Variants in ZNF804B observed in about 807,000 individuals in gnomAD.
ZNF804B encodes the protein zinc finger 804B.
ZNF804B carries 80 observed loss-of-function variants against 101.4 expected under a neutral mutation model. The observed-to-expected ratio is 0.79, with a 90% CI of 0.66 to 0.95. The LOEUF (loss-of-function observed/expected upper bound fraction) is 0.95. Among genes scored for constraint, ZNF804B ranks in the 40% least tolerant of loss-of-function variants. The probability of loss-of-function intolerance (pLI) is 0.00; values close to 1 mark genes in which losing one functional copy is unlikely to be tolerated. For synonymous variants in ZNF804B, 622 were observed against 558.8 expected (o/e 1.11, Z -1.59); for missense variants, 1,673 against 1,561.9 (o/e 1.07, Z -1.20).
chr7:88,873,189 G>A (rs1791866605), intron 1 of ZNF804B, among the ~76,000 whole-genome samples: 1 of 152,146 alleles, frequency 6.6e-6, no homozygotes, highest in Non-Finnish European at 1.5e-5. Flanking sequence ...GTATCTCATT[G>A]TGGTTTTGAT....
At position 89,011,081 on chromosome 7, in the gene ZNF804B, C is replaced by T. The variant is rs541212145; in HGVS notation, c.109-207074C>T. ...CCATGGCTGGGGAGGCCTCAGGAAA[C>T]TTACAATCATGGCAGAAGGCACCTC... On this transcript the variant is annotated intron_variant, in intron 1 of 3. Coordinates refer to ENST00000333190, the MANE Select transcript of ZNF804B (RefSeq NM_181646.5). Among the ~76,000 whole-genome samples the T allele has an allele frequency of 3.1e-3, 470 of 152,242 alleles. 8 individuals are homozygous for T. Among genetic ancestry groups the T allele is most frequent in the African/African-American group, 0.011 (449 of 41,546 alleles).
intron 1 of ZNF804B, among the ~76,000 whole-genome samples, chr7:89,105,175 T>C (rs915988653): frequency 6.6e-6 from 1 of 152,088 alleles, no homozygotes; most frequent in Admixed American, 6.6e-5. Context: ...CCTTCAGGGG[T>C]TGTCTCTGAG....
chr7:89,044,353 C>A (rs536650631), intron 1 of ZNF804B, among the ~76,000 whole-genome samples: 1 of 152,256 alleles, frequency 6.6e-6, no homozygotes, highest in East Asian at 1.9e-4. Context: ...ATTACCCAGT[C>A]TTGGACATTT....
chr7:89,123,163 T>TA (rs1790429316), intron 1 of ZNF804B, among the ~76,000 whole-genome samples: 1 of 151,984 alleles, frequency 6.6e-6, no homozygotes, highest in African/African-American at 2.4e-5. Context: ...TCAGCTTTTT[T>TA]TTTTTTTTAA....
intron 1 of ZNF804B, among the ~76,000 whole-genome samples, chr7:88,768,800 T>C (rs2115625760): frequency 6.6e-6 from 1 of 152,354 alleles, no homozygotes; most frequent in East Asian, 1.9e-4. Flanking sequence ...TGTATTTCTC[T>C]CTTTGGGTAT....
At chr7:89,005,160 C>T (rs546586031) in intron 1 of ZNF804B, among the ~76,000 whole-genome samples, 1 of 151,942 alleles carries the variant, frequency 6.6e-6, no homozygotes, top group Non-Finnish European at 1.5e-5. Context: ...CAAAGCTAAA[C>T]ATTTATTCTT....
intron 1 of ZNF804B, among the ~76,000 whole-genome samples, chr7:89,135,207 C>A (rs1790613063): frequency 6.6e-6 from 1 of 152,090 alleles, no homozygotes; most frequent in South Asian, 2.1e-4. Flanking sequence ...AGATACTTTT[C>A]CTGATTTGTA....
intron 1 of ZNF804B, among the ~76,000 whole-genome samples, chr7:88,850,588 T>C (rs940480712): frequency 1.3e-5 from 2 of 152,088 alleles, no homozygotes; most frequent in Non-Finnish European, 2.9e-5. Flanking sequence ...TTTGCCCCAG[T>C]GGGGCAAAAT....
chr7:88,982,627 G>A (rs1435847367), intron 1 of ZNF804B, among the ~76,000 whole-genome samples: 1 of 151,946 alleles, frequency 6.6e-6, no homozygotes. Context: ...TTAGATTAGA[G>A]CCCACCCATG....
intron 1 of ZNF804B, among the ~76,000 whole-genome samples, chr7:88,979,785 T>C (rs907542091): frequency 1.8e-4 from 28 of 151,942 alleles, no homozygotes; most frequent in African/African-American, 6.5e-4. Flanking sequence ...GTTAATATCC[T>C]TTTGAATGAA....
At chr7:89,277,416 G>A (rs1307373110) in intron 2 of ZNF804B, among the ~76,000 whole-genome samples, 1 of 132,726 alleles carries the variant, frequency 7.5e-6, no homozygotes, top group East Asian at 2.3e-4. Flanking sequence ...ACATGCTGGT[G>A]CGCTGCACCC....
At chr7:89,209,807 A>C (rs371377705) in intron 1 of ZNF804B, among the ~76,000 whole-genome samples, 5 of 152,194 alleles carry the variant, frequency 3.3e-5, no homozygotes, top group African/African-American at 1.2e-4. Flanking sequence ...TCTAAGTAAT[A>C]AGTACCATGT....
intron 1 of ZNF804B, among the ~76,000 whole-genome samples, chr7:89,187,273 T>G (rs1433720289): frequency 6.6e-6 from 1 of 152,134 alleles, no homozygotes; most frequent in African/African-American, 2.4e-5. Context: ...AGAAACTCAT[T>G]TAAATGAAAG....
At chr7:88,826,611 T>C (rs1036045352) in intron 1 of ZNF804B, among the ~76,000 whole-genome samples, 2 of 152,038 alleles carry the variant, frequency 1.3e-5, no homozygotes, top group African/African-American at 4.8e-5. Context: ...TTACAGAATA[T>C]TATTGGGGTT....
chr7:88,772,950 G>A (rs528117683), intron 1 of ZNF804B, among the ~76,000 whole-genome samples: 14 of 152,178 alleles, frequency 9.2e-5, no homozygotes, highest in Non-Finnish European at 1.6e-4. Context: ...ATCTGGGCAG[G>A]AAAGGTGCTT....
intron 2 of ZNF804B, among the ~76,000 whole-genome samples, chr7:89,231,346 G>C (rs1789188038): frequency 6.6e-6 from 1 of 151,916 alleles, no homozygotes; most frequent in Non-Finnish European, 1.5e-5. Context: ...TATCTTATTT[G>C]CTGTAACTTT....
At position 89,335,884 on chromosome 7, in the gene ZNF804B, G is replaced by A; in HGVS notation, c.2902G>A (p.Ala968Thr). The change falls in exon 4 of 4, where the codon GCA (alanine) becomes ACA (threonine). Residue 968 changes from alanine (A) to threonine (T), a missense_variant. Ala to Thr is a moderately conservative substitution (Grantham distance 58). Transcript: ENST00000333190. ...GCAAGTCCCATGCACAATTCAACTT[G>A]CACCATCAGGCTGTAACAGACAAGC... ...PSQVPCTIQL[A>T]PSGCNRQALP... 1 of 1,614,092 alleles carries A rather than the reference G, an allele frequency of 6.2e-7. No individual in the cohort carries two copies. The highest frequency in any genetic ancestry group is 1.3e-5 in the African/African-American group (1 of 75,034).
At chr7:88,962,486 GA>G (rs1793399284) in intron 1 of ZNF804B, among the ~76,000 whole-genome samples, 1 of 150,814 alleles carries the variant, frequency 6.6e-6, no homozygotes, top group African/African-American at 2.4e-5. Context: ...AAAAAGCACA[GA>G]AAGAAGAGTT....
intron 1 of ZNF804B, among the ~76,000 whole-genome samples, chr7:89,168,891 G>A (rs1791183456): frequency 6.6e-6 from 1 of 151,980 alleles, no homozygotes; most frequent in Non-Finnish European, 1.5e-5. Flanking sequence ...GATGGGGGCG[G>A]GCCACTCCCA....
Sources: allele counts gnomAD v4.1 joint callset (sites outside exome capture counted in the v4.1 genomes callset), GRCh38; gene constraint gnomAD v4.1.1; transcripts MANE v1.5; gene names NCBI Gene and HGNC (gene_info 2026-07-23, HGNC 2026-07-21).